MMP13: variants seen among roughly 807,000 people sequenced by gnomAD.
MMP13 encodes the protein matrix metallopeptidase 13.
Under a neutral mutation model 52.1 loss-of-function variants are expected in MMP13, and 45 were observed. The observed-to-expected ratio is 0.86, with a 90% CI of 0.68 to 1.11. MMP13 has a LOEUF of 1.11. MMP13 is among the 50% of genes least tolerant of loss of function. MMP13 has a pLI of 0.00. For missense variants in MMP13, 576 were observed against 583.8 expected (o/e 0.99, Z 0.14); for synonymous variants, 200 against 204.4 (o/e 0.98, Z 0.18).
In MMP13 at chr11:102,952,105, G is replaced by T. The variant is rs782443296; in HGVS notation, c.706C>A (p.Pro236Thr). The change falls in exon 5 of 10, where the codon CCT becomes ACT. Residue 236 changes from proline to threonine, a missense_variant. Coordinates refer to ENST00000260302, the MANE Select transcript of MMP13 (RefSeq NM_002427.4). The surrounding 1 kb of genome is among the most constrained non-coding windows in gnomAD (Gnocchi z 4.3). The part of the protein sequence containing the change: ...HSLGLDHSKD[P>T]GALMFPIYTY... Reference sequence around the variant, plus strand: ...TAGATAGGAAACATGAGTGCTCCAGGGTCCTTGGAGTGGTCAAGACCTAAG... The same window carrying T: ...TAGATAGGAAACATGAGTGCTCCAGTGTCCTTGGAGTGGTCAAGACCTAAG... 7 of 1,613,248 alleles carry T rather than the reference G, an allele frequency of 4.3e-6. No individual in the cohort carries two copies. The highest frequency in any genetic ancestry group is 5.9e-6 in the Non-Finnish European group (7 of 1,179,422).
rs775427867 is a variant in MMP13, at chr11:102,943,922, T to C, written c.*344A>G. On this transcript the variant is annotated 3_prime_UTR_variant, in exon 10 of 10. Coordinates refer to ENST00000260302, the MANE Select transcript of MMP13 (RefSeq NM_002427.4). ...ATTCATTATATGCATGTATTTACTT[T>C]ATGCCCTTGTAAAATTTCCTTATAA... is the stretch of plus-strand genomic sequence containing the variant. 3.7e-6 allele frequency: 1 copy of C among 272,552 alleles called. No individual in the cohort carries two copies. The highest frequency in any genetic ancestry group is 7.3e-6 in the Non-Finnish European group (1 of 137,004). The allele number at this position is 272,552 out of a possible 1,614,324, so 16.9% of individuals were successfully genotyped here. A position where few individuals can be genotyped will look rare whatever the true frequency, so the allele number is the denominator to read the frequency against.
chr11:102,954,382 A>C, intron 3 of MMP13, 76 bp downstream of exon 3: 1 of 1,594,798 alleles, frequency 6.3e-7, no homozygotes, highest in Non-Finnish European at 8.6e-7. Flanking sequence ...GTAATGAATG[A>C]CTGAAATAAA....
rs17860555 is a variant in MMP13 at position 102,950,310 on chromosome 11, G to A, written c.800-83C>T. On this transcript the variant is annotated intron_variant, in intron 5 of 9. Coordinates refer to ENST00000260302, the MANE Select transcript of MMP13 (RefSeq NM_002427.4). ...TCACAGTACAACAGGCTGATCTGCT[G>A]ATGGACAGTGGGAGAGGGTTTCTCC... is the stretch of plus-strand genomic sequence containing the variant. 9 of 1,083,016 alleles carry A rather than the reference G, an allele frequency of 8.3e-6. No individual in the cohort carries two copies. In the African/African-American group the frequency reaches 1.1e-4, roughly 13 times the overall value. 67.1% of individuals were successfully genotyped at this position (1,083,016 alleles called of 1,614,324 possible). A position where few individuals can be genotyped will look rare whatever the true frequency, so the allele number is the denominator to read the frequency against.
rs1565256097 is a variant in MMP13 at position 102,954,459 on chromosome 11, C to G, written c.510G>C (p.Lys170Asn). 6.2e-7 allele frequency: 1 copy of G among 1,613,188 alleles called. No homozygotes were observed. Among genetic ancestry groups the G allele is most frequent in the Non-Finnish European group, 8.5e-7 (1 of 1,179,502 alleles). ...TGTAAAATAAATGTGCATCATTACCCTTAATTCCAAAAGAGATCATGATGT... is the reference window on the plus strand; with the variant it reads ...TGTAAAATAAATGTGCATCATTACCGTTAATTCCAAAAGAGATCATGATGT... ...IADIMISFGI[K>N]EHGDFYPFDG... Residue 170 changes from lysine (K) to asparagine (N), a missense_variant and splice_region_variant, in exon 3 of 10, where the codon AAG becomes AAC. Coordinates refer to ENST00000260302, the MANE Select transcript of MMP13 (RefSeq NM_002427.4).
Position 102,949,587 on chromosome 11 carries a change from A to G in MMP13, c.918-429T>C, listed in dbSNP as rs1860575146. On this transcript the variant is annotated intron_variant, in intron 6 of 9. Coordinates refer to ENST00000260302, the MANE Select transcript of MMP13 (RefSeq NM_002427.4). The surrounding 1 kb of genome is among the most constrained non-coding windows in gnomAD (Gnocchi z 4.2). The stretch of plus-strand genomic sequence containing the variant: ...CGAGTACAATGTAATTAGAGTTATA[A>G]CAGAGGGGATAAACATGCTATTGGA... 6.6e-6 allele frequency among the ~76,000 whole-genome samples: 1 copy of G among 152,194 alleles called. No individual in the cohort carries two copies. The highest frequency in any genetic ancestry group is 1.5e-5 in the Non-Finnish European group (1 of 68,040).
In MMP13 at chr11:102,955,192, GACATTTAAT is replaced by G. The variant is rs951421241; in HGVS notation, c.362+51_362+59del. 122 of 1,578,712 alleles carry G rather than the reference GACATTTAAT, an allele frequency of 7.7e-5. 2 individuals are homozygous for G. In the Middle Eastern group the frequency reaches 6.5e-3, roughly 84 times the overall value. On this transcript the variant is annotated intron_variant, in intron 2 of 9. Coordinates refer to ENST00000260302, the MANE Select transcript of MMP13 (RefSeq NM_002427.4). The surrounding 1 kb of genome is among the most constrained non-coding windows in gnomAD (Gnocchi z 4.9). ...AAATAATAAGGCCTACTTAATATTA[GACATTTAAT>G]ACTACAAGAAAAGGCTAACAAATAT...
intron 9 of MMP13, 98 bp from the exon 10 acceptor site, chr11:102,944,464 G>A (rs1860463965): frequency 1.2e-6 from 1 of 869,176 alleles, no homozygotes; most frequent in Non-Finnish European, 1.9e-6. Flanking sequence ...CCCATTTGTA[G>A]GAATTTCAAA....
At chr11:102,950,322 G>T (rs1860590291) in intron 5 of MMP13, 95 bp from the exon 6 acceptor site, 1 of 1,003,266 alleles carries the variant, frequency 1.0e-6, no homozygotes, top group African/African-American at 1.6e-5. Flanking sequence ...TGGACAGTGG[G>T]AGAGGGTTTC....
rs764247687 is a variant in MMP13, at chr11:102,955,692, A to G, written c.14T>C (p.Val5Ala). ...GCTCAAGAAGAGGAAGGCAGCCAGG[A>G]CCCCTGGATGCATCTTGAATGGTGA... MHPG[V>A]LAAFLFLSWT... The change falls in exon 1 of 10, where the codon GTC becomes GCC. Residue 5 changes from valine (V) to alanine (A), a missense_variant. Val to Ala is a moderately conservative substitution (Grantham distance 64). Transcript: ENST00000260302. This position sits in a 1 kb window ranked among gnomAD's most constrained non-coding sequence, Gnocchi z 4.9. 8.1e-6 allele frequency: 13 copies of G among 1,613,774 alleles called. No individual in the cohort carries two copies. In the South Asian group the frequency reaches 1.3e-4, roughly 16 times the overall value.
intron 7 of MMP13, 125 bp from the exon 8 acceptor site, chr11:102,948,175 A>T (rs1860546851): frequency 1.3e-6 from 1 of 762,824 alleles, no homozygotes; most frequent in African/African-American, 1.8e-5. Flanking sequence ...TTTAGTATTT[A>T]CAGTCATCAT....
chr11:102,948,101 T>C, intron 7 of MMP13, 51 bp from the exon 8 acceptor site: 1 of 1,512,414 alleles, frequency 6.6e-7, no homozygotes, highest in Non-Finnish European at 9.2e-7. Context: ...CTATTAGGAC[T>C]TACATATATA....
In MMP13 at chr11:102,954,440, A is replaced by C; in HGVS notation, c.511+18T>G. 1 of 1,610,762 alleles carries C rather than the reference A, an allele frequency of 6.2e-7. No individual in the cohort carries two copies. The highest frequency in any genetic ancestry group is 8.5e-7 in the Non-Finnish European group (1 of 1,177,662). ...ATTAGAATATAAAAATGTTTGTAAAATAAATGTGCATCATTACCCTTAATT... is the reference window on the plus strand; with the variant it reads ...ATTAGAATATAAAAATGTTTGTAAACTAAATGTGCATCATTACCCTTAATT... On this transcript the variant is annotated intron_variant, in intron 3 of 9. Transcript: ENST00000260302.
In MMP13 at chr11:102,955,435, G is replaced by C. The variant is rs183292652; in HGVS notation, c.179C>G (p.Ala60Gly). 7.4e-6 allele frequency: 12 copies of C among 1,614,026 alleles called. No homozygotes were observed. The highest frequency in any genetic ancestry group is 1.0e-5 in the Non-Finnish European group (12 of 1,179,944). ...GAGCCTCTCAGTCATGGAGCTTGCTGCATTCTCCTTCAGGATTCCCGCGAG... is the reference window on the plus strand; with the variant it reads ...GAGCCTCTCAGTCATGGAGCTTGCTCCATTCTCCTTCAGGATTCCCGCGAG... Reference protein sequence around the residue: ...TNLAGILKENAASSMTERLRE... With the variant: ...TNLAGILKENGASSMTERLRE... Residue 60 changes from alanine to glycine, a missense_variant, in exon 2 of 10, where the codon GCA (alanine) becomes GGA (glycine). Physicochemically the swap from Ala to Gly is moderately conservative, Grantham distance 60. Coordinates refer to ENST00000260302, the MANE Select transcript of MMP13 (RefSeq NM_002427.4). This position sits in a 1 kb window ranked among gnomAD's most constrained non-coding sequence, Gnocchi z 4.9.
chr11:102,951,091 A>G (rs1346980481), intron 5 of MMP13, among the ~76,000 whole-genome samples: 2 of 152,206 alleles, frequency 1.3e-5, no homozygotes, highest in African/African-American at 4.8e-5. Flanking sequence ...CAGGTCATCT[A>G]TAAATAAATA....
rs1232216784 is a variant in MMP13 at position 102,944,205 on chromosome 11, C to T, written c.*61G>A. The T allele has an allele frequency of 6.2e-6, 8 of 1,289,744 alleles. No individual in the cohort carries two copies. Among genetic ancestry groups the T allele is most frequent in the African/African-American group, 5.8e-5 (4 of 68,428 alleles). The allele number at this position is 1,289,744 out of a possible 1,614,324, so 79.9% of individuals were successfully genotyped here. ...ATAGCTCTTCTTCCCCTACCCCGCA[C>T]TTCTGGAAGTATTACCCCAAATGCT... On this transcript the variant is annotated 3_prime_UTR_variant, in exon 10 of 10. Transcript: ENST00000260302.
At chr11:102,954,096 C>A (rs920187329) in intron 4 of MMP13, 60 bp downstream of exon 4, 18 of 1,583,244 alleles carry the variant, frequency 1.1e-5, no homozygotes, top group Non-Finnish European at 1.5e-5. Flanking sequence ...TAACTTCATA[C>A]TAGTGTGTTC....
Position 102,955,557 on chromosome 11 carries a change from G to T in MMP13, c.120+29C>A, listed in dbSNP as rs755582888. On this transcript the variant is annotated intron_variant, in intron 1 of 9. Coordinates refer to ENST00000260302, the MANE Select transcript of MMP13 (RefSeq NM_002427.4). This position sits in a 1 kb window ranked among gnomAD's most constrained non-coding sequence, Gnocchi z 4.9. ...AGGACATTTCTGAGATGTACCAACC[G>T]CATCATCAGGATTGGCAAGATACTC... The T allele has an allele frequency of 6.2e-7, 1 of 1,613,898 alleles. No individual in the cohort carries two copies. The highest frequency in any genetic ancestry group is 8.5e-7 in the Non-Finnish European group (1 of 1,179,882).
In MMP13 at chr11:102,955,663, T is replaced by A; in HGVS notation, c.43A>T (p.Thr15Ser). Residue 15 changes from threonine to serine, a missense_variant, in exon 1 of 10, where the codon ACT becomes TCT. Coordinates refer to ENST00000260302, the MANE Select transcript of MMP13 (RefSeq NM_002427.4). The surrounding 1 kb of genome is among the most constrained non-coding windows in gnomAD (Gnocchi z 4.9). ...GGAAGGGGCAGGGCCCGACAATGAG[T>A]CCAGCTCAAGAAGAGGAAGGCAGCC... ...VLAAFLFLSW[T>S]HCRALPLPSG... 2 of 1,613,820 alleles carry A rather than the reference T, an allele frequency of 1.2e-6. No individual in the cohort carries two copies. The highest frequency in any genetic ancestry group is 2.2e-5 in the East Asian group (1 of 44,868).
At chr11:102,945,304 T>C (rs752301553) in intron 9 of MMP13, 1 of 1,011,126 alleles carries the variant, frequency 9.9e-7, no homozygotes, top group Non-Finnish European at 1.2e-6. Flanking sequence ...GTTAAGGTAG[T>C]TATGAGTCTT....
Sources: allele counts gnomAD v4.1 joint callset (sites outside exome capture counted in the v4.1 genomes callset), GRCh38; gene constraint gnomAD v4.1.1; non-coding constraint Gnocchi (gnomAD v3.1); transcripts MANE v1.5; gene names NCBI Gene and HGNC (gene_info 2026-07-23, HGNC 2026-07-21).